Variants in KLHL26 observed in about 807,000 individuals in gnomAD.
The protein encoded by KLHL26 is kelch-like protein 26.
KLHL26 carries 4 observed loss-of-function variants against 7.1 expected under a neutral mutation model. That is an observed-to-expected ratio of 0.56 (90% CI 0.28 to 1.28). The LOEUF (loss-of-function observed/expected upper bound fraction) is 1.28, where lower values mean the gene tolerates loss of function less well. Among genes scored for constraint, KLHL26 ranks in the 50% most tolerant of loss-of-function variants. The pLI is 0.11. For synonymous variants in KLHL26, 465 were observed against 414.1 expected (o/e 1.12, Z -1.49); for missense variants, 896 against 924.6 (o/e 0.97, Z 0.40).
In KLHL26 at chr19:18,649,692, C is replaced by A. The variant is rs1343879434; in HGVS notation, c.83+12555C>A. 4.6e-5 allele frequency among the ~76,000 whole-genome samples: 7 copies of A among 152,234 alleles called. No individual in the cohort carries two copies. Among genetic ancestry groups the A allele is most frequent in the Admixed American group, 4.6e-4 (7 of 15,288 alleles). ...CAGCCCCGCCCTCCTCCTCTGGTAG[C>A]CGCTCTGCAGCTGTGCGGACCAGCT... is the stretch of plus-strand genomic sequence containing the variant. On this transcript the variant is annotated intron_variant, in intron 1 of 2. Transcript: ENST00000300976. This position sits in a 1 kb window ranked among gnomAD's most constrained non-coding sequence, Gnocchi z 4.0.
rs771542013 is a variant in KLHL26 at position 18,668,111 on chromosome 19, G to A, written c.714G>A (p.Pro238=). Residue 238 remains proline (P), a synonymous_variant, in exon 3 of 3, where the codon CCG becomes CCA. Transcript: ENST00000300976. ...CCGTCCGCTGGCTGCAGCATGACCC[G>A]GCCCGGCGGCCGCGCGCCAGCCACG... ...RAAVRWLQHD[P]ARRPRASHVL... is the part of the protein sequence containing the mutation. 3.1e-6 allele frequency: 5 copies of A among 1,601,552 alleles called. No homozygotes were observed. Among genetic ancestry groups the A allele is most frequent in the South Asian group, 2.2e-5 (2 of 90,954 alleles).
rs900173536 is a variant in KLHL26 at position 18,650,364 on chromosome 19, A to AGACACGTAGG, written c.83+13229_83+13238dup. ...AGTGTCAAGGTGACTGTGAGATGAC[A>AGACACGTAGG]GACACGTAGGGGAGCCCCACAGAGG... On this transcript the variant is annotated intron_variant, in intron 1 of 2. Transcript: ENST00000300976. This position sits in a 1 kb window ranked among gnomAD's most constrained non-coding sequence, Gnocchi z 4.2. Among the ~76,000 whole-genome samples, 1 of 152,128 alleles carries AGACACGTAGG rather than the reference A, an allele frequency of 6.6e-6. No individual in the cohort carries two copies. Among genetic ancestry groups the AGACACGTAGG allele is most frequent in the African/African-American group, 2.4e-5 (1 of 41,426 alleles).
intron 1 of KLHL26, among the ~76,000 whole-genome samples, chr19:18,653,987 C>T (rs2052296678): frequency 9.5e-6 from 1 of 105,786 alleles, no homozygotes; most frequent in South Asian, 4.2e-4. Context: ...ACCCACGCTT[C>T]CATCAGTCCA....
chr19:18,668,748 TG>T lies in KLHL26; in HGVS notation c.1355del (p.Gly452AlafsTer43). On this transcript the variant is annotated frameshift_variant, in exon 3 of 3. Transcript: ENST00000300976. LOFTEE classifies it low-confidence loss of function (END_TRUNC). ...CGCCTGCTCGCTGAAGCGCCGTACC[TG>T]GGGCCATGCTGGGGCCGCCTCAGGG... Reference protein sequence around the residue: ...GYACSLKRRTWGHAGAASGGR... With the variant: ...GYACSLKRRTXGHAGAASGGR... 1 of 1,588,168 alleles carries T rather than the reference TG, an allele frequency of 6.3e-7. No individual in the cohort carries two copies.
rs574287043 is a variant in KLHL26, at chr19:18,649,820, G to A, written c.83+12683G>A. 2.4e-4 allele frequency among the ~76,000 whole-genome samples: 36 copies of A among 152,038 alleles called. No individual in the cohort carries two copies. Among genetic ancestry groups the A allele is most frequent in the Admixed American group, 1.4e-3 (21 of 15,270 alleles). ...GGGCCGCACAGAATTCACAGGACTC[G>A]TCTCCAACGGCTGCGCCAGCAATTC... On this transcript the variant is annotated intron_variant, in intron 1 of 2. Transcript: ENST00000300976. This position sits in a 1 kb window ranked among gnomAD's most constrained non-coding sequence, Gnocchi z 4.0.
intron 2 of KLHL26, among the ~76,000 whole-genome samples, chr19:18,666,741 C>A (rs1306714436): frequency 6.6e-6 from 1 of 152,186 alleles, no homozygotes; most frequent in East Asian, 1.9e-4. Flanking sequence ...GGGCTCCATT[C>A]CTGGGGACCC....
At chr19:18,641,632 CTT>C (rs11365552) in intron 1 of KLHL26, among the ~76,000 whole-genome samples, 126 of 129,910 alleles carry the variant, frequency 9.7e-4, no homozygotes, top group African/African-American at 1.2e-3. Flanking sequence ...TTTCTTTTTT[CTT>C]TTTTTTTTTT....
At position 18,668,464 on chromosome 19, in the gene KLHL26, T is replaced by G. The variant is rs2052481904; in HGVS notation, c.1067T>G (p.Val356Gly). 1 of 1,610,686 alleles carries G rather than the reference T, an allele frequency of 6.2e-7. No individual in the cohort carries two copies. The highest frequency in any genetic ancestry group is 8.5e-7 in the Non-Finnish European group (1 of 1,179,578). Residue 356 changes from valine (V) to glycine (G), a missense_variant, in exon 3 of 3, where the codon GTG (valine) becomes GGG (glycine). Val to Gly is a moderately radical substitution (Grantham distance 109). Transcript: ENST00000300976. Reference sequence around the variant, plus strand: ...GAGGTAGGCTGCAGCCACACGTGCGTGGCCGTGCTGGACAATTTTGTGTAC... The same window carrying G: ...GAGGTAGGCTGCAGCCACACGTGCGGGGCCGTGCTGGACAATTTTGTGTAC... ...EMEVGCSHTC[V>G]AVLDNFVYVA...
chr19:18,658,133 G>T (rs918379653), intron 1 of KLHL26, among the ~76,000 whole-genome samples: 1 of 152,114 alleles, frequency 6.6e-6, no homozygotes, highest in Non-Finnish European at 1.5e-5. Flanking sequence ...GGGAGCAGGG[G>T]CACGCTGGGC....
chr19:18,657,753 C>T (rs1018957653), intron 1 of KLHL26, among the ~76,000 whole-genome samples: 5 of 152,190 alleles, frequency 3.3e-5, no homozygotes, highest in African/African-American at 1.2e-4. Context: ...ACAGCAGGTG[C>T]CTTGGAAGGG....
Position 18,671,639 on chromosome 19 carries a change from C to A in KLHL26, c.*2394C>A, listed in dbSNP as rs1450183519. 6.6e-6 allele frequency: 1 copy of A among 152,298 alleles called. No homozygotes were observed. The highest frequency in any genetic ancestry group is 2.4e-5 in the African/African-American group (1 of 41,456). The allele number at this position is 152,298 out of a possible 1,614,324, so 9.4% of individuals were successfully genotyped here. ...GCCCCCTGCCCCTCCCTCAGCCTCC[C>A]CCCGCATCCCCCCAAGAAAGGAAAA... On this transcript the variant is annotated 3_prime_UTR_variant, in exon 3 of 3. Transcript: ENST00000300976.
rs903792952 is a variant in KLHL26 at position 18,656,343 on chromosome 19, G to A, written c.84-7918G>A. Among the ~76,000 whole-genome samples the A allele has an allele frequency of 2.6e-5, 4 of 152,088 alleles. No individual in the cohort carries two copies. The highest frequency in any genetic ancestry group is 6.5e-5 in the Admixed American group (1 of 15,276). On this transcript the variant is annotated intron_variant, in intron 1 of 2. Coordinates refer to ENST00000300976, the MANE Select transcript of KLHL26 (RefSeq NM_018316.3). This position sits in a 1 kb window ranked among gnomAD's most constrained non-coding sequence, Gnocchi z 4.4. The stretch of plus-strand genomic sequence containing the variant: ...TCCTTTCCAATTGATCCTCGATTCC[G>A]AAACCTGCCTGCCTGCCCTCCCTGA...
chr19:18,667,988 G>C lies in KLHL26; in HGVS notation c.591G>C (p.Glu197Asp). The change falls in exon 3 of 3, where the codon GAG becomes GAC. Residue 197 changes from glutamate (E) to aspartate (D), a missense_variant. Coordinates refer to ENST00000300976, the MANE Select transcript of KLHL26 (RefSeq NM_018316.3). ...TCCGGCACTTCCTGCAGATCGCCGA[G>C]GAGGAGGATTTCCTGCGCCTGCCAC... ...FTFRHFLQIA[E>D]EEDFLRLPLE... is the part of the protein sequence containing the mutation. 1 of 1,608,544 alleles carries C rather than the reference G, an allele frequency of 6.2e-7. No homozygotes were observed. Among genetic ancestry groups the C allele is most frequent in the South Asian group, 1.1e-5 (1 of 91,092 alleles).
intron 1 of KLHL26, among the ~76,000 whole-genome samples, chr19:18,660,595 A>T (rs996800026): frequency 3.9e-5 from 6 of 152,004 alleles, no homozygotes; most frequent in Admixed American, 2.6e-4. Context: ...GCTGGAGAGG[A>T]CCTTAGTCAT....
At chr19:18,638,778 G>A (rs550709681) in intron 1 of KLHL26, among the ~76,000 whole-genome samples, 60 of 152,146 alleles carry the variant, frequency 3.9e-4, no homozygotes, top group African/African-American at 1.3e-3. Flanking sequence ...AAGGCTCACC[G>A]CAGCCTCAAA....
At chr19:18,652,167 G>A (rs1219531045) in intron 1 of KLHL26, among the ~76,000 whole-genome samples, 7 of 152,180 alleles carry the variant, frequency 4.6e-5, no homozygotes, top group Non-Finnish European at 1.5e-5. Flanking sequence ...CATGAGCAAA[G>A]GTCCAGAGAC....
chr19:18,645,913 C>T (rs745554284), intron 1 of KLHL26, among the ~76,000 whole-genome samples: 4 of 152,068 alleles, frequency 2.6e-5, no homozygotes, highest in Non-Finnish European at 4.4e-5. Context: ...GACGCTGCGC[C>T]CGGTGGGTTT....
At chr19:18,664,058 C>A (rs1178831938) in intron 1 of KLHL26, among the ~76,000 whole-genome samples, 5 of 151,772 alleles carry the variant, frequency 3.3e-5, no homozygotes, top group African/African-American at 1.2e-4. Flanking sequence ...TCAGCAGTCA[C>A]TCCCCCCTCC....
intron 1 of KLHL26, among the ~76,000 whole-genome samples, chr19:18,662,437 C>T (rs574407396): frequency 7.2e-5 from 11 of 152,300 alleles, no homozygotes; most frequent in Non-Finnish European, 1.3e-4. Context: ...TTGCCTGGAC[C>T]GCGTGCCCAT....
Sources: allele counts gnomAD v4.1 joint callset (sites outside exome capture counted in the v4.1 genomes callset), GRCh38; gene constraint gnomAD v4.1.1; non-coding constraint Gnocchi (gnomAD v3.1); transcripts MANE v1.5; gene names NCBI Gene and HGNC (gene_info 2026-07-23, HGNC 2026-07-21).